ST7: variants seen among roughly 807,000 people sequenced by gnomAD.
ST7 encodes suppression of tumorigenicity 7, also known as suppressor of tumorigenicity 7 protein.
ST7 carries 28 observed loss-of-function variants against 78.7 expected under a neutral mutation model. That is an observed-to-expected ratio of 0.36 (90% CI 0.26 to 0.49). The LOEUF (loss-of-function observed/expected upper bound fraction) is 0.49. Among genes scored for constraint, ST7 ranks in the 20% least tolerant of loss-of-function variants. The probability of loss-of-function intolerance (pLI) is 0.99; values close to 1 mark genes in which losing one functional copy is unlikely to be tolerated. For synonymous variants in ST7, 247 were observed against 249.6 expected (o/e 0.99, Z 0.10); for missense variants, 418 against 696.0 (o/e 0.60, Z 4.49).
chr7:117,139,451 G>T (rs1456058425), intron 9 of ST7, among the ~76,000 whole-genome samples: 1 of 152,160 alleles, frequency 6.6e-6, no homozygotes, highest in Non-Finnish European at 1.5e-5. Flanking sequence ...CTGCACACTT[G>T]GTGAGCCTTT....
chr7:117,004,521 T>C (rs1795078124), intron 1 of ST7, among the ~76,000 whole-genome samples: 1 of 151,806 alleles, frequency 6.6e-6, no homozygotes, highest in African/African-American at 2.4e-5. Flanking sequence ...ATTAGTCGGG[T>C]GTGGTGGCAG....
rs141538242 is a variant in ST7 at position 117,222,070 on chromosome 7, T to A, written c.1638+8T>A. The A allele has an allele frequency of 5.6e-6, 9 of 1,603,394 alleles. No homozygotes were observed. The South Asian group carries it at 9.0e-5, about 16-fold the overall frequency. On this transcript the variant is annotated splice_region_variant and intron_variant, in intron 15 of 15. Transcript: ENST00000323984. ...GGGGTCTTCGCAAAAGCTGTGAGTGTTTGCCTAGAGGGAGGCCTTGGGGAA... is the reference window on the plus strand; with the variant it reads ...GGGGTCTTCGCAAAAGCTGTGAGTGATTGCCTAGAGGGAGGCCTTGGGGAA...
chr7:117,183,969 A>T (rs1283008358), intron 10 of ST7, among the ~76,000 whole-genome samples: 1 of 152,244 alleles, frequency 6.6e-6, no homozygotes, highest in Admixed American at 6.5e-5. Flanking sequence ...TCTCAAAAAC[A>T]ATGTGCTGAG....
At chr7:117,043,943 G>T (rs902819486) in intron 1 of ST7, among the ~76,000 whole-genome samples, 1 of 152,066 alleles carries the variant, frequency 6.6e-6, no homozygotes, top group Non-Finnish European at 1.5e-5. Context: ...AATTACATTT[G>T]CATTTTTTAG....
intron 1 of ST7, among the ~76,000 whole-genome samples, chr7:117,029,475 A>G (rs1796365794): frequency 1.3e-5 from 2 of 152,064 alleles, no homozygotes; most frequent in South Asian, 4.1e-4. Context: ...TTCTTCATAT[A>G]TTTTGATACA....
chr7:117,004,489 C>A (rs913586667), intron 1 of ST7, among the ~76,000 whole-genome samples: 6 of 152,048 alleles, frequency 3.9e-5, no homozygotes, highest in African/African-American at 1.5e-4. Flanking sequence ...GGCGAAACCC[C>A]ATCTCTACTA....
chr7:117,096,890 C>T (rs868457355), intron 1 of ST7, among the ~76,000 whole-genome samples: 4 of 152,134 alleles, frequency 2.6e-5, no homozygotes, highest in Non-Finnish European at 4.4e-5. Flanking sequence ...CTGTTTGTAT[C>T]TCCATTTATT....
intron 13 of ST7, among the ~76,000 whole-genome samples, chr7:117,213,612 T>C (rs1792460572): frequency 6.6e-6 from 1 of 151,780 alleles, no homozygotes; most frequent in Non-Finnish European, 1.5e-5. Flanking sequence ...ATGGCAGAGA[T>C]TGTTTGGGTT....
At chr7:117,142,757 G>A (rs530792368) in intron 9 of ST7, among the ~76,000 whole-genome samples, 30 of 152,172 alleles carry the variant, frequency 2.0e-4, no homozygotes, top group Middle Eastern at 3.4e-3. Flanking sequence ...GACTACAGGC[G>A]CATGCCACCA....
intron 1 of ST7, among the ~76,000 whole-genome samples, chr7:117,027,409 C>T (rs533292953): frequency 2.9e-4 from 25 of 84,944 alleles, no homozygotes; most frequent in African/African-American, 1.4e-3. Context: ...CACTGCACTC[C>T]AGCCTGGGCA....
intron 1 of ST7, among the ~76,000 whole-genome samples, chr7:117,064,172 A>C (rs1342809083): frequency 6.7e-6 from 1 of 149,858 alleles, no homozygotes; most frequent in Non-Finnish European, 1.5e-5. Context: ...TTTATGGGAC[A>C]ATATACATGG....
intron 9 of ST7, among the ~76,000 whole-genome samples, chr7:117,154,436 G>A (rs1299386092): frequency 6.6e-6 from 1 of 152,206 alleles, no homozygotes; most frequent in African/African-American, 2.4e-5. Flanking sequence ...AGGATTCCCT[G>A]TGTGGCTGAC....
chr7:117,035,458 C>T (rs888059950), intron 1 of ST7, among the ~76,000 whole-genome samples: 3 of 152,148 alleles, frequency 2.0e-5, no homozygotes, highest in African/African-American at 4.8e-5. Flanking sequence ...AGACTTCTTT[C>T]AAAAGCAAAT....
At chr7:117,196,114 C>T (rs148046249) in intron 12 of ST7, among the ~76,000 whole-genome samples, 6 of 152,212 alleles carry the variant, frequency 3.9e-5, no homozygotes, top group Non-Finnish European at 5.9e-5. Flanking sequence ...TTTTAAAGAC[C>T]GAAAATTATT....
At chr7:117,055,749 T>G (rs902308357) in intron 1 of ST7, among the ~76,000 whole-genome samples, 11 of 152,258 alleles carry the variant, frequency 7.2e-5, no homozygotes, top group Non-Finnish European at 4.4e-5. Context: ...TGCTTCTTTT[T>G]ATTGAAACTG....
chr7:117,134,121 C>A lies in ST7; in HGVS notation c.642-3C>A. 1 of 1,610,972 alleles carries A rather than the reference C, an allele frequency of 6.2e-7. No individual in the cohort carries two copies. Among genetic ancestry groups the A allele is most frequent in the South Asian group, 1.1e-5 (1 of 90,828 alleles). ...TACCAACTATTTTTTTCTTCTTGGT[C>A]AGAATTAGGTCCAGAGTTGAAGTTC... On this transcript the variant is annotated splice_region_variant and splice_polypyrimidine_tract_variant and intron_variant, in intron 6 of 15. Coordinates refer to ENST00000323984, the MANE Select transcript of ST7 (RefSeq NM_001369598.1).
chr7:117,119,885 G>A (rs930703967), intron 3 of ST7, among the ~76,000 whole-genome samples, 165 bp downstream of exon 3: 7 of 152,006 alleles, frequency 4.6e-5, no homozygotes, highest in Non-Finnish European at 7.4e-5. Flanking sequence ...GAGAGGGAGG[G>A]TATAAACATC....
intron 10 of ST7, among the ~76,000 whole-genome samples, chr7:117,176,510 C>A (rs1272691764): frequency 6.6e-6 from 1 of 152,202 alleles, no homozygotes; most frequent in East Asian, 1.9e-4. Context: ...TTTGCTGATA[C>A]TGTTTTGCAG....
chr7:117,172,836 T>G (rs915738680), intron 10 of ST7, among the ~76,000 whole-genome samples: 1 of 152,172 alleles, frequency 6.6e-6, no homozygotes, highest in Non-Finnish European at 1.5e-5. Context: ...AAATAAAACT[T>G]TAATCAGTAG....
Sources: allele counts gnomAD v4.1 joint callset (sites outside exome capture counted in the v4.1 genomes callset), GRCh38; gene constraint gnomAD v4.1.1; transcripts MANE v1.5; gene names NCBI Gene and HGNC (gene_info 2026-07-23, HGNC 2026-07-21).